Variants in FRMD4A observed in about 807,000 individuals in gnomAD.
The protein encoded by FRMD4A is FERM domain-containing protein 4A.
A neutral mutation model predicts 129.1 loss-of-function variants in FRMD4A; 29 were observed. That is an observed-to-expected ratio of 0.22 (90% CI 0.17 to 0.31). The LOEUF (loss-of-function observed/expected upper bound fraction) is 0.31, where lower values mean the gene tolerates loss of function less well. FRMD4A is among the 10% of genes least tolerant of loss of function. The pLI, the probability that FRMD4A is intolerant of heterozygous loss-of-function variation, is 1.00. For synonymous variants in FRMD4A, 634 were observed against 571.6 expected, an observed-to-expected ratio of 1.11 and a Z score of -1.56; for missense variants, 1,272 against 1,375.8, an observed-to-expected ratio of 0.92 and a Z score of 1.19.
intron 2 of FRMD4A, among the ~76,000 whole-genome samples, chr10:14,226,148 A>G (rs1283282807): frequency 6.6e-6 from 1 of 152,134 alleles, no homozygotes; most frequent in East Asian, 1.9e-4. Flanking sequence ...TAAGTTCTTG[A>G]TACATATGCA....
In FRMD4A at chr10:13,646,745, T is replaced by G. The variant is rs535475769; in HGVS notation, c.*293A>C. On this transcript the variant is annotated 3_prime_UTR_variant, in exon 25 of 25. Coordinates refer to ENST00000357447, the MANE Select transcript of FRMD4A (RefSeq NM_018027.5). ...GGCAAGAGCGCCAGGGGACACACAG[T>G]GGGACCGGAACCTTCCAGAATGTCT... 1 of 152,692 alleles carries G rather than the reference T, an allele frequency of 6.5e-6. No individual in the cohort carries two copies. Among genetic ancestry groups the G allele is most frequent in the South Asian group, 2.1e-4 (1 of 4,816 alleles). 9.5% of individuals were successfully genotyped at this position (152,692 alleles called of 1,614,324 possible).
rs146273248 is a variant in FRMD4A, at chr10:14,165,913, C to T, written c.45+164145G>A. Among the ~76,000 whole-genome samples the T allele has an allele frequency of 3.1e-4, 47 of 152,182 alleles. No individual in the cohort carries two copies. In the East Asian group the frequency reaches 8.3e-3, roughly 27 times the overall value. Reference sequence around the variant, plus strand: ...ATCTTTCTATTGGGTCCTATGTCCACTATTTGATTGACAGGATCAACAGAA... The same window carrying T: ...ATCTTTCTATTGGGTCCTATGTCCATTATTTGATTGACAGGATCAACAGAA... On this transcript the variant is annotated intron_variant, in intron 2 of 24. Transcript: ENST00000357447.
intron 2 of FRMD4A, among the ~76,000 whole-genome samples, chr10:14,214,641 A>G (rs1393540949): frequency 6.6e-6 from 1 of 152,206 alleles, no homozygotes; most frequent in Non-Finnish European, 1.5e-5. Flanking sequence ...TAAAACCTCT[A>G]GATCCTCAAT....
In FRMD4A at chr10:13,821,196, C is replaced by CG. The variant is rs1413710413; in HGVS notation, c.112-10289dup. On this transcript the variant is annotated intron_variant, in intron 3 of 24. Coordinates refer to ENST00000357447, the MANE Select transcript of FRMD4A (RefSeq NM_018027.5). This position sits in a 1 kb window ranked among gnomAD's most constrained non-coding sequence, Gnocchi z 4.3. ...CCACTGTGTGGCCAGCAGGTCTGGG[C>CG]GGCGACTCCCCTCCTTGTCGCCCTG... is the stretch of plus-strand genomic sequence containing the variant. Among the ~76,000 whole-genome samples, 3 of 152,064 alleles carry CG rather than the reference C, an allele frequency of 2.0e-5. No individual in the cohort carries two copies. The highest frequency in any genetic ancestry group is 4.4e-5 in the Non-Finnish European group (3 of 67,982).
intron 14 of FRMD4A, among the ~76,000 whole-genome samples, chr10:13,699,761 G>A (rs2086624015): frequency 6.6e-6 from 1 of 152,100 alleles, no homozygotes; most frequent in Non-Finnish European, 1.5e-5. Context: ...ACCTCCAACT[G>A]TTGCCCCTGG....
At chr10:13,904,460 C>G (rs1191303445) in intron 2 of FRMD4A, among the ~76,000 whole-genome samples, 2 of 152,226 alleles carry the variant, frequency 1.3e-5, no homozygotes. Context: ...CTATGCTCAG[C>G]ACGTTTTCAT....
chr10:13,970,848 A>G (rs2095513558), intron 2 of FRMD4A, among the ~76,000 whole-genome samples: 1 of 152,150 alleles, frequency 6.6e-6, no homozygotes, highest in African/African-American at 2.4e-5. Flanking sequence ...CCCTTTTTGA[A>G]GTGCTCTGCA....
At chr10:13,940,717 G>C (rs2614156) in intron 2 of FRMD4A, among the ~76,000 whole-genome samples, 83,554 of 152,024 alleles carry the variant, frequency 0.55, 24,306 homozygotes, top group East Asian at 0.79. Context: ...AATGTCAAGA[G>C]AAGATGTCCT....
intron 2 of FRMD4A, among the ~76,000 whole-genome samples, chr10:14,284,017 A>G (rs1277704907): frequency 1.3e-5 from 2 of 152,328 alleles, no homozygotes; most frequent in East Asian, 1.9e-4. Flanking sequence ...GTTGGTAAGT[A>G]AAGAGTTGGT....
At chr10:13,983,355 C>T (rs187332382) in intron 2 of FRMD4A, among the ~76,000 whole-genome samples, 2 of 151,974 alleles carry the variant, frequency 1.3e-5, no homozygotes, top group Admixed American at 6.6e-5. Context: ...GGGAAATGAC[C>T]GATGCAAAGA....
At chr10:14,140,854 A>G (rs1360210422) in intron 2 of FRMD4A, among the ~76,000 whole-genome samples, 2 of 152,168 alleles carry the variant, frequency 1.3e-5, no homozygotes, top group East Asian at 1.9e-4. Flanking sequence ...TCAGGAAACT[A>G]GGGAGTTTGT....
At chr10:14,145,266 T>C (rs1425316595) in intron 2 of FRMD4A, among the ~76,000 whole-genome samples, 1 of 152,236 alleles carries the variant, frequency 6.6e-6, no homozygotes, top group African/African-American at 2.4e-5. Context: ...TGAATCACTT[T>C]GGAAGAGTCA....
intron 2 of FRMD4A, among the ~76,000 whole-genome samples, chr10:13,936,235 A>G (rs10906545): frequency 0.42 from 63,516 of 151,916 alleles, 13,726 homozygotes; most frequent in East Asian, 0.52. Flanking sequence ...AAGAGCTTCA[A>G]CTGGACTCCT....
intron 3 of FRMD4A, among the ~76,000 whole-genome samples, chr10:13,851,013 C>T (rs1467899762): frequency 1.3e-5 from 2 of 152,048 alleles, no homozygotes; most frequent in Non-Finnish European, 2.9e-5. Flanking sequence ...TCAGGAGTTT[C>T]AGAGAAGCCT....
chr10:13,884,861 C>A (rs1356890684), intron 2 of FRMD4A, among the ~76,000 whole-genome samples: 1 of 152,208 alleles, frequency 6.6e-6, no homozygotes, highest in Non-Finnish European at 1.5e-5. Context: ...TGTGAAATAT[C>A]AGAGCTAACA....
At chr10:13,926,070 G>A (rs1416656252) in intron 2 of FRMD4A, among the ~76,000 whole-genome samples, 2 of 152,088 alleles carry the variant, frequency 1.3e-5, no homozygotes, top group East Asian at 3.9e-4. Context: ...GAAATTCGTG[G>A]CTGCAGAGAT....
At chr10:14,007,179 T>C (rs752673521) in intron 2 of FRMD4A, 11 of 152,186 alleles carry the variant, frequency 7.2e-5, no homozygotes, top group African/African-American at 1.9e-4. Flanking sequence ...TGCTATTTGC[T>C]TTATTAGGTC....
intron 2 of FRMD4A, among the ~76,000 whole-genome samples, chr10:13,999,103 T>C (rs1235234395): frequency 1.3e-5 from 2 of 152,142 alleles, no homozygotes; most frequent in Non-Finnish European, 2.9e-5. Context: ...TTGTACTTGC[T>C]GTGCCCTCTG....
At chr10:13,948,660 T>G (rs2095350268) in intron 2 of FRMD4A, among the ~76,000 whole-genome samples, 1 of 148,590 alleles carries the variant, frequency 6.7e-6, no homozygotes, top group Non-Finnish European at 1.5e-5. Flanking sequence ...TTTTTTTTTT[T>G]TTTTTTTTTG....
Sources: allele counts gnomAD v4.1 joint callset (sites outside exome capture counted in the v4.1 genomes callset), GRCh38; gene constraint gnomAD v4.1.1; non-coding constraint Gnocchi (gnomAD v3.1); transcripts MANE v1.5; gene names NCBI Gene and HGNC (gene_info 2026-07-23, HGNC 2026-07-21).